The following TLK2 variants were observed in gnomAD, a reference collection of about 807,000 sequenced individuals.
TLK2 encodes the protein tousled like kinase 2, also known as serine/threonine-protein kinase tousled-like 2.
Under a neutral mutation model 117.3 loss-of-function variants are expected in TLK2, and 6 were observed. The ratio of observed to expected loss-of-function variants is 0.05; its 90% confidence interval spans 0.03 to 0.10. The LOEUF is 0.10. Among genes scored for constraint, TLK2 ranks in the 10% least tolerant of loss-of-function variants. TLK2 has a pLI of 1.00. For missense variants in TLK2, 299 were observed against 901.2 expected (o/e 0.33, Z 8.56); for synonymous variants, 257 against 316.7 (o/e 0.81, Z 2.00).
At chr17:62,531,989 T>G (rs1245897290) in intron 6 of TLK2, among the ~76,000 whole-genome samples, 1 of 152,188 alleles carries the variant, frequency 6.6e-6, no homozygotes, top group African/African-American at 2.4e-5. Flanking sequence ...TGGGTGGGCT[T>G]TGGTCTGTGA....
intron 16 of TLK2, among the ~76,000 whole-genome samples, chr17:62,588,860 A>G (rs1172438447): frequency 2.6e-5 from 4 of 152,336 alleles, no homozygotes; most frequent in Non-Finnish European, 5.9e-5. Context: ...CATAACGGAC[A>G]TTGATGAGTG....
chr17:62,475,079 T>A (rs1374912142), upstream of TLK2, among the ~76,000 whole-genome samples: 1 of 152,160 alleles, frequency 6.6e-6, no homozygotes, highest in Non-Finnish European at 1.5e-5. Context: ...AGCTCTTTCC[T>A]AGCAACCAAA....
At chr17:62,482,807 A>G (rs2071842305) in intron 2 of TLK2, among the ~76,000 whole-genome samples, 1 of 152,182 alleles carries the variant, frequency 6.6e-6, no homozygotes, top group Non-Finnish European at 1.5e-5. Context: ...TATGCTAGGC[A>G]TTGTGCAAGG....
intron 2 of TLK2, among the ~76,000 whole-genome samples, chr17:62,512,831 TTTTG>T (rs984602105): frequency 1.3e-5 from 2 of 148,164 alleles, no homozygotes; most frequent in African/African-American, 4.9e-5. Flanking sequence ...TCTTGATCTA[TTTTG>T]TTTTTTTCTC....
chr17:62,547,869 A>T (rs1044689909), intron 7 of TLK2, among the ~76,000 whole-genome samples: 74 of 152,196 alleles, frequency 4.9e-4, no homozygotes, highest in Admixed American at 4.8e-3. Context: ...GGGTAGGCTG[A>T]TGATCAATAA....
At chr17:62,521,358 A>G (rs1429680400) in intron 3 of TLK2, among the ~76,000 whole-genome samples, 2 of 152,172 alleles carry the variant, frequency 1.3e-5, no homozygotes, top group South Asian at 4.2e-4. Flanking sequence ...AGAAATTTGC[A>G]ATATTGTTCC....
At chr17:62,472,058 C>G (rs1036777498) in intron 1 of TLK2, among the ~76,000 whole-genome samples, 5 of 151,176 alleles carry the variant, frequency 3.3e-5, no homozygotes, top group South Asian at 2.1e-4. Context: ...GGCGCCCCCC[C>G]ACCATGTCCG....
At chr17:62,481,004 G>C in intron 1 of TLK2, 117 bp from the exon 2 acceptor site, 1 of 929,844 alleles carries the variant, frequency 1.1e-6, no homozygotes, top group Non-Finnish European at 1.7e-6. Flanking sequence ...ATATTTACTT[G>C]AGATTTACCT....
chr17:62,546,166 G>A (rs912232549), intron 7 of TLK2, among the ~76,000 whole-genome samples: 10 of 151,938 alleles, frequency 6.6e-5, no homozygotes, highest in East Asian at 3.9e-4. Flanking sequence ...ACAGTCATGA[G>A]CCACCACACC....
At chr17:62,548,798 A>G (rs1416337957) in intron 7 of TLK2, among the ~76,000 whole-genome samples, 7 of 151,522 alleles carry the variant, frequency 4.6e-5, no homozygotes, top group Non-Finnish European at 8.8e-5. Context: ...GTGCGGTGGC[A>G]TGATCTCGGC....
chr17:62,569,986 C>T (rs1182857976), intron 11 of TLK2, among the ~76,000 whole-genome samples: 1 of 152,118 alleles, frequency 6.6e-6, no homozygotes, highest in Non-Finnish European at 1.5e-5. Context: ...GTGGCAGCCC[C>T]AGGTGTTGGG....
chr17:62,579,398 C>T (rs2081050714), intron 14 of TLK2, among the ~76,000 whole-genome samples: 3 of 152,180 alleles, frequency 2.0e-5, no homozygotes, highest in African/African-American at 7.2e-5. Flanking sequence ...AAGAGTTCAA[C>T]TTGGATCTTT....
chr17:62,480,580 C>A (rs994794062), intron 1 of TLK2, among the ~76,000 whole-genome samples: 1 of 152,188 alleles, frequency 6.6e-6, no homozygotes, highest in African/African-American at 2.4e-5. Context: ...AATTCCTTTT[C>A]TCATGAGCTA....
chr17:62,597,786 A>G (rs1452041661), intron 17 of TLK2, among the ~76,000 whole-genome samples: 2 of 152,154 alleles, frequency 1.3e-5, no homozygotes, highest in Non-Finnish European at 2.9e-5. Context: ...GGGCATTGCT[A>G]TATTTTGTTA....
At chr17:62,527,782 G>T (rs1327464656) in intron 6 of TLK2, among the ~76,000 whole-genome samples, 2 of 149,764 alleles carry the variant, frequency 1.3e-5, no homozygotes, top group African/African-American at 4.9e-5. Context: ...CGCTTTTGTT[G>T]CCCAGGCTGG....
chr17:62,525,917 A>G (rs1321915097), intron 6 of TLK2, among the ~76,000 whole-genome samples: 1 of 152,208 alleles, frequency 6.6e-6, no homozygotes, highest in Non-Finnish European at 1.5e-5. Flanking sequence ...CAGATTATCT[A>G]TTTGGGACAG....
intron 15 of TLK2, among the ~76,000 whole-genome samples, chr17:62,581,644 T>G (rs1488968825): frequency 6.6e-6 from 1 of 152,020 alleles, no homozygotes; most frequent in Non-Finnish European, 1.5e-5. Context: ...TTTCATCATG[T>G]TGCCCAGGCT....
intron 7 of TLK2, chr17:62,550,843 G>C (rs1428712973): frequency 2.0e-5 from 3 of 152,208 alleles, no homozygotes; most frequent in Non-Finnish European, 4.4e-5. Flanking sequence ...TTATAGGACA[G>C]AGTCTTGCTC....
intron 9 of TLK2, among the ~76,000 whole-genome samples, chr17:62,556,311 G>A (rs1365126004): frequency 1.3e-5 from 2 of 152,164 alleles, no homozygotes; most frequent in Non-Finnish European, 2.9e-5. Flanking sequence ...GACCAAATTT[G>A]TAGTCATTGT....
Sources: gnomAD v4.1 joint callset for allele counts (sites outside exome capture counted in the v4.1 genomes callset) on GRCh38, gnomAD v4.1.1 for gene constraint, MANE v1.5 for transcripts, NCBI Gene and HGNC (gene_info 2026-07-23, HGNC 2026-07-21) for gene names.